Variants in OTOG observed in about 807,000 individuals in gnomAD.
OTOG encodes the protein otogelin.
In OTOG, 296 loss-of-function variants were observed where a neutral mutation model predicts 313.8. The ratio of observed to expected loss-of-function variants is 0.94; its 90% CI spans 0.86 to 1.04. The LOEUF is 1.04. OTOG is among the 50% of genes least tolerant of loss of function. The probability of loss-of-function intolerance (pLI) is 0.00; values close to 1 mark genes in which losing one functional copy is unlikely to be tolerated. For synonymous variants in OTOG, 1,533 were observed against 1,554.9 expected, an observed-to-expected ratio of 0.99 and a Z score of 0.33; for missense variants, 3,948 against 3,840.1, an observed-to-expected ratio of 1.03 and a Z score of -0.74.
chr11:17,608,376 C>T lies in OTOG; in HGVS notation c.4237C>T (p.Arg1413Trp), dbSNP rs758385142. 4.2e-5 allele frequency: 65 copies of T among 1,546,256 alleles called. No individual in the cohort carries two copies. The highest frequency in any genetic ancestry group is 1.7e-4 in the Middle Eastern group (1 of 5,990). The change falls in exon 34 of 56, where the codon CGG becomes TGG. Residue 1413 changes from arginine (R) to tryptophan (W), a missense_variant. Transcript: ENST00000399397. Reference sequence around the variant, plus strand: ...TGCCAGCCCCTGCTTCCAAACCTGCCGGGACCCACGGGCAGCCAGCTGCCG... The same window carrying T: ...TGCCAGCCCCTGCTTCCAAACCTGCTGGGACCCACGGGCAGCCAGCTGCCG... ...ACASPCFQTC[R>W]DPRAASCRDV...
intron 3 of OTOG, among the ~76,000 whole-genome samples, chr11:17,549,851 TG>T (rs1272968276): frequency 6.6e-6 from 1 of 150,904 alleles, no homozygotes; most frequent in East Asian, 2.0e-4. Flanking sequence ...TGACAGGAGT[TG>T]GGGGGTGGGG....
At chr11:17,589,796 G>A (rs1191347900) in intron 24 of OTOG, among the ~76,000 whole-genome samples, 1 of 151,984 alleles carries the variant, frequency 6.6e-6, no homozygotes, top group Non-Finnish European at 1.5e-5. Flanking sequence ...TCCTACTAAG[G>A]TCACCAGTAA....
intron 49 of OTOG, 45 bp from the exon 50 acceptor site, chr11:17,640,700 G>GGC: frequency 2.6e-6 from 4 of 1,539,280 alleles, no homozygotes; most frequent in Non-Finnish European, 2.6e-6. Context: ...CTGAGGGCCA[G>GGC]GCTGGCCCCC....
In OTOG at chr11:17,596,934, C is replaced by T; in HGVS notation, c.3609C>T (p.Ala1203=). ...GTGGTGACTGTGAGTGCTTCTGTGC[C>T]AGCGTCTCCGCTTATGCCCACCAGT... ...SQGGDCECFC[A]SVSAYAHQCC... is the part of the protein sequence containing the mutation. Residue 1203 remains alanine (A), a synonymous_variant, in exon 30 of 56, where the codon GCC becomes GCT. Transcript: ENST00000399397. 2 of 1,550,752 alleles carry T rather than the reference C, an allele frequency of 1.3e-6. No homozygotes were observed. Among genetic ancestry groups the T allele is most frequent in the Non-Finnish European group, 1.7e-6 (2 of 1,147,028 alleles).
intron 24 of OTOG, among the ~76,000 whole-genome samples, chr11:17,588,080 T>C (rs1852845197): frequency 6.6e-6 from 1 of 152,160 alleles, no homozygotes; most frequent in South Asian, 2.1e-4. Flanking sequence ...CTGGGATTAT[T>C]TAGGATTTGG....
rs996032858 is a variant in OTOG, at chr11:17,640,312, T to C, written c.7936-433T>C. Among the ~76,000 whole-genome samples, 132 of 152,174 alleles carry C rather than the reference T, an allele frequency of 8.7e-4. 5 individuals carry two copies. Among genetic ancestry groups the C allele is most frequent in the Admixed American group, 9.8e-4 (15 of 15,284 alleles). On this transcript the variant is annotated intron_variant, in intron 49 of 55. Coordinates refer to ENST00000399397, the MANE Select transcript of OTOG (RefSeq NM_001292063.2). ...CACCAAGGAAATCTGTCTCCAGAGA[T>C]CATGCTCTTAGCCACCAGGCTGCAT...
Position 17,572,079 on chromosome 11 carries a change from G to A in OTOG, c.1956-1G>A, listed in dbSNP as rs1399572819. ...TGAATATGGCTGTGACATGGCTGCA[G>A]GTCTCCAGTGGGTGTACCTGAGAGC... is the stretch of plus-strand genomic sequence containing the variant. On this transcript the variant is annotated splice_acceptor_variant, in intron 17 of 55. Coordinates refer to ENST00000399397, the MANE Select transcript of OTOG (RefSeq NM_001292063.2). LOFTEE classifies it high-confidence loss of function. 1 of 1,550,270 alleles carries A rather than the reference G, an allele frequency of 6.5e-7. No homozygotes were observed. Among genetic ancestry groups the A allele is most frequent in the Non-Finnish European group, 8.7e-7 (1 of 1,146,934 alleles).
chr11:17,639,535 G>A, intron 49 of OTOG, 72 bp downstream of exon 49: 1 of 1,474,626 alleles, frequency 6.8e-7, no homozygotes, highest in Non-Finnish European at 9.3e-7. Flanking sequence ...CCCTCCTCTA[G>A]AGAATCTGCT....
intron 39 of OTOG, among the ~76,000 whole-genome samples, chr11:17,624,952 C>T (rs934301834): frequency 5.9e-5 from 9 of 152,222 alleles, no homozygotes; most frequent in South Asian, 2.1e-4. Flanking sequence ...ATTTGGCTCT[C>T]GGCTTAGCTA....
At chr11:17,575,903 T>C (rs887147493) in intron 20 of OTOG, among the ~76,000 whole-genome samples, 7 of 152,184 alleles carry the variant, frequency 4.6e-5, no homozygotes, top group Non-Finnish European at 1.0e-4. Flanking sequence ...CATAACTCAC[T>C]GCGCTGCTCC....
At chr11:17,612,555 C>A in intron 37 of OTOG, 65 bp from the exon 38 acceptor site, 1 of 1,494,628 alleles carries the variant, frequency 6.7e-7, no homozygotes, top group African/African-American at 1.4e-5. Context: ...CCTGCCCCAT[C>A]TTCCTAGGCG....
In OTOG at chr11:17,552,072, T is replaced by C. The variant is rs1374871859; in HGVS notation, c.289T>C (p.Ser97Pro). 1.9e-6 allele frequency: 3 copies of C among 1,550,394 alleles called. No individual in the cohort carries two copies. Among genetic ancestry groups the C allele is most frequent in the Admixed American group, 3.9e-5 (2 of 50,992 alleles). The change falls in exon 4 of 56, where the codon TCC (serine) becomes CCC (proline). Residue 97 changes from serine to proline, a missense_variant. By Grantham distance (74) the Ser-to-Pro change is moderately conservative. Transcript: ENST00000399397. ...RRLHRAKCAPSYLFSCFNGGE... is the reference protein window; with the variant it reads ...RRLHRAKCAPPYLFSCFNGGE... Reference sequence around the variant, plus strand: ...GCTCCATCGGGCCAAGTGTGCACCATCCTGTAAGTGGCACCTTCACTGTGG... The same window carrying C: ...GCTCCATCGGGCCAAGTGTGCACCACCCTGTAAGTGGCACCTTCACTGTGG...
intron 39 of OTOG, among the ~76,000 whole-genome samples, chr11:17,618,034 A>T (rs749410946): frequency 6.6e-5 from 10 of 151,414 alleles, no homozygotes; most frequent in Non-Finnish European, 1.3e-4. Context: ...TGCCTCAGCC[A>T]CCCGAGTAGC....
chr11:17,600,203 G>T (rs1320465259), intron 31 of OTOG, among the ~76,000 whole-genome samples: 1 of 151,218 alleles, frequency 6.6e-6, no homozygotes, highest in Non-Finnish European at 1.5e-5. Context: ...ATTAACGAGG[G>T]TGAAAACACA....
At chr11:17,639,623 T>C (rs945755556) in intron 49 of OTOG, among the ~76,000 whole-genome samples, 160 bp downstream of exon 49, 4 of 152,226 alleles carry the variant, frequency 2.6e-5, no homozygotes, top group African/African-American at 4.8e-5. Flanking sequence ...TTTCTGGGTA[T>C]GGTGCCCTCC....
intron 15 of OTOG, among the ~76,000 whole-genome samples, chr11:17,568,850 A>G (rs11822596): frequency 1.3e-5 from 2 of 152,174 alleles, no homozygotes; most frequent in African/African-American, 2.4e-5. Flanking sequence ...AGTGTTTCTC[A>G]GGCTGGACTC....
intron 12 of OTOG, among the ~76,000 whole-genome samples, chr11:17,559,988 A>G (rs1229318719): frequency 6.6e-6 from 1 of 152,208 alleles, no homozygotes; most frequent in African/African-American, 2.4e-5. Context: ...AAGGGAAGTG[A>G]GGGTGAGGAC....
At chr11:17,558,724 G>A in intron 10 of OTOG, 80 bp downstream of exon 10, 2 of 1,368,590 alleles carry the variant, frequency 1.5e-6, no homozygotes, top group South Asian at 1.2e-5. Context: ...CAAACTGGGT[G>A]ATCCCAGGCA....
Position 17,561,746 on chromosome 11 carries a change from T to A in OTOG, c.1583T>A (p.Leu528Gln). 6.4e-7 allele frequency: 1 copy of A among 1,550,542 alleles called. No homozygotes were observed. The highest frequency in any genetic ancestry group is 8.7e-7 in the Non-Finnish European group (1 of 1,146,966). ...YTFPATCQYI[L>Q]AKSRSSGTFT... Reference sequence around the variant, plus strand: ...TTCCCCGCCACATGTCAGTACATCCTGGCCAAGAGCCGCTCTTCGGGCACC... The same window carrying A: ...TTCCCCGCCACATGTCAGTACATCCAGGCCAAGAGCCGCTCTTCGGGCACC... Residue 528 changes from leucine (L) to glutamine (Q), a missense_variant, in exon 15 of 56, where the codon CTG becomes CAG. Coordinates refer to ENST00000399397, the MANE Select transcript of OTOG (RefSeq NM_001292063.2).
Sources: allele counts gnomAD v4.1 joint callset (sites outside exome capture counted in the v4.1 genomes callset), GRCh38; gene constraint gnomAD v4.1.1; transcripts MANE v1.5; gene names NCBI Gene and HGNC (gene_info 2026-07-23, HGNC 2026-07-21).